The following PPFIBP2 variants were observed in gnomAD, a reference collection of about 807,000 sequenced individuals.
PPFIBP2 encodes the protein PPFIB scaffold protein 2, also known as liprin-beta-2.
A neutral mutation model predicts 118.3 loss-of-function variants in PPFIBP2; 118 were observed. That is an observed-to-expected ratio of 1.00 (90% CI 0.86 to 1.16). The LOEUF is 1.16. PPFIBP2 is among the 50% of genes most tolerant of loss of function. The pLI is 0.00. For synonymous variants in PPFIBP2, 414 were observed against 397.4 expected, an observed-to-expected ratio of 1.04 and a Z score of -0.50; for missense variants, 1,195 against 1,073.1, an observed-to-expected ratio of 1.11 and a Z score of -1.59.
intron 2 of PPFIBP2, among the ~76,000 whole-genome samples, chr11:7,557,450 A>C (rs1853763088): frequency 6.6e-6 from 1 of 151,732 alleles, no homozygotes; most frequent in African/African-American, 2.4e-5. Context: ...AATAATTCAA[A>C]ATAATATGTT....
At chr11:7,657,275 G>C (rs574536673), downstream of PPFIBP2, 5 of 160,642 alleles carry the variant, frequency 3.1e-5, no homozygotes, top group African/African-American at 9.6e-5. Flanking sequence ...TTCACAGAAC[G>C]TGCTTTTTCC....
the PPFIBP2 span, chr11:7,665,928 C>T: frequency 5.9e-6 from 9 of 1,535,898 alleles, no homozygotes; most frequent in Non-Finnish European, 7.0e-6. Context: ...GCGCCCTCTG[C>T]CGACCAGGGA....
At chr11:7,567,798 G>C (rs1462351099) in intron 3 of PPFIBP2, among the ~76,000 whole-genome samples, 1 of 152,190 alleles carries the variant, frequency 6.6e-6, no homozygotes, top group Non-Finnish European at 1.5e-5. Flanking sequence ...TTGGTCTGTG[G>C]CTCAGCAGCT....
At chr11:7,609,937 G>C (rs1847863511) in intron 5 of PPFIBP2, among the ~76,000 whole-genome samples, 2 of 151,966 alleles carry the variant, frequency 1.3e-5, no homozygotes, top group African/African-American at 4.8e-5. Flanking sequence ...ACTTAAGCGA[G>C]GACCTACTGC....
chr11:7,653,240 G>T lies in PPFIBP2; in HGVS notation c.*22G>T. On this transcript the variant is annotated 3_prime_UTR_variant, in exon 24 of 24. Transcript: ENST00000299492. Reference sequence around the variant, plus strand: ...CTGATGCCCTTGTCACCTGCCCTCTGTGCACCCTGAGAGCTCACAGTAACA... The same window carrying T: ...CTGATGCCCTTGTCACCTGCCCTCTTTGCACCCTGAGAGCTCACAGTAACA... 6.2e-7 allele frequency: 1 copy of T among 1,613,634 alleles called. No individual in the cohort carries two copies. Among genetic ancestry groups the T allele is most frequent in the Non-Finnish European group, 8.5e-7 (1 of 1,179,938 alleles).
chr11:7,559,261 G>A (rs532169835), intron 2 of PPFIBP2, among the ~76,000 whole-genome samples: 23 of 152,298 alleles, frequency 1.5e-4, no homozygotes, highest in African/African-American at 4.8e-4. Context: ...AGCATTAGTG[G>A]TTTATGGTGT....
chr11:7,557,652 G>A (rs1853796506), intron 2 of PPFIBP2, among the ~76,000 whole-genome samples: 2 of 151,902 alleles, frequency 1.3e-5, no homozygotes, highest in South Asian at 4.2e-4. Flanking sequence ...TCCCATCACT[G>A]GCACATCTGA....
intron 2 of PPFIBP2, 84 bp from the exon 3 acceptor site, chr11:7,565,469 T>C: frequency 7.1e-7 from 1 of 1,413,620 alleles, no homozygotes; most frequent in Non-Finnish European, 9.9e-7. Context: ...CTTTCACCGT[T>C]TCTTCACCAC....
At position 7,589,648 on chromosome 11, in the gene PPFIBP2, T is replaced by C. The variant is rs1858883203; in HGVS notation, c.280-3484T>C. Among the ~76,000 whole-genome samples the C allele has an allele frequency of 2.6e-5, 4 of 151,802 alleles. No individual in the cohort carries two copies. The South Asian group carries it at 8.3e-4, about 32-fold the overall frequency. ...AACCTCAGAAAATTAGCACGTAGCA[T>C]CCTTCAGAATTTGATTGGACTTTCT... On this transcript the variant is annotated intron_variant, in intron 3 of 23. Coordinates refer to ENST00000299492, the MANE Select transcript of PPFIBP2 (RefSeq NM_003621.5).
chr11:7,516,227 G>C (rs1021228701), intron 1 of PPFIBP2, among the ~76,000 whole-genome samples: 12 of 152,208 alleles, frequency 7.9e-5, no homozygotes, highest in African/African-American at 2.9e-4. Context: ...AAAAGACAGT[G>C]GGGGCGGCGA....
At chr11:7,628,516 G>A (rs1850322237) in intron 9 of PPFIBP2, among the ~76,000 whole-genome samples, 170 bp downstream of exon 9, 1 of 152,282 alleles carries the variant, frequency 6.6e-6, no homozygotes, top group Non-Finnish European at 1.5e-5. Flanking sequence ...TCAGCCACCT[G>A]TTTTTGGCTT....
At chr11:7,665,272 G>T in the PPFIBP2 span, 1 of 1,061,454 alleles carries the variant, frequency 9.4e-7, no homozygotes, top group Non-Finnish European at 1.3e-6. Flanking sequence ...GAAGGTACAT[G>T]GCAAGGCACT....
At chr11:7,656,758 A>C, downstream of PPFIBP2, 1 of 1,289,538 alleles carries the variant, frequency 7.8e-7, no homozygotes, top group South Asian at 1.2e-5. Context: ...CTGCTGAATG[A>C]CTCTCGCCTG....
At chr11:7,665,774 G>A in the PPFIBP2 span, 1 of 1,439,514 alleles carries the variant, frequency 6.9e-7, no homozygotes, top group Non-Finnish European at 9.3e-7. Flanking sequence ...AAGCCCTGCT[G>A]CTGTCTGTCA....
At chr11:7,555,815 G>C (rs1360548531) in intron 2 of PPFIBP2, among the ~76,000 whole-genome samples, 2 of 152,148 alleles carry the variant, frequency 1.3e-5, no homozygotes, top group African/African-American at 4.8e-5. Flanking sequence ...AAAGAGTTTG[G>C]ATAAGGCTGG....
At chr11:7,632,488 A>G in intron 11 of PPFIBP2, 1 of 164,982 alleles carries the variant, frequency 6.1e-6, no homozygotes, top group East Asian at 1.6e-4. Context: ...GCTCTGGCTA[A>G]CCTAAGCCAA....
chr11:7,648,286 TTTTG>T (rs1325022332), intron 17 of PPFIBP2, 97 bp from the exon 18 acceptor site: 1 of 1,371,252 alleles, frequency 7.3e-7, no homozygotes, highest in Non-Finnish European at 9.8e-7. Flanking sequence ...AGGTTTTTTG[TTTTG>T]TTTTTTCTTT....
At chr11:7,576,082 G>A (rs1856284712) in intron 3 of PPFIBP2, among the ~76,000 whole-genome samples, 1 of 152,204 alleles carries the variant, frequency 6.6e-6, no homozygotes. Flanking sequence ...CCTGCTTCTG[G>A]CCCTGGTGGA....
intron 2 of PPFIBP2, among the ~76,000 whole-genome samples, chr11:7,554,243 A>G (rs958705312): frequency 1.3e-5 from 2 of 152,216 alleles, no homozygotes; most frequent in African/African-American, 4.8e-5. Flanking sequence ...TTCAACGGAA[A>G]AAACCTTTAT....
Sources: allele counts gnomAD v4.1 joint callset (sites outside exome capture counted in the v4.1 genomes callset), GRCh38; gene constraint gnomAD v4.1.1; transcripts MANE v1.5; gene names NCBI Gene and HGNC (gene_info 2026-07-23, HGNC 2026-07-21).